DOCK4: variants seen among roughly 807,000 people sequenced by gnomAD.
The protein encoded by DOCK4 is dedicator of cytokinesis protein 4.
DOCK4 carries 97 observed loss-of-function variants against 268.1 expected under a neutral mutation model. The ratio of observed to expected loss-of-function variants is 0.36; its 90% CI spans 0.31 to 0.43. The LOEUF (loss-of-function observed/expected upper bound fraction) is 0.43, where lower values mean the gene tolerates loss of function less well. Ranked by LOEUF, DOCK4 falls within the 20% of genes least tolerant of loss-of-function variation. The probability of loss-of-function intolerance (pLI) is 1.00; values close to 1 mark genes in which losing one functional copy is unlikely to be tolerated. For missense variants in DOCK4, 2,145 were observed against 2,455.7 expected (o/e 0.87, Z 2.67); for synonymous variants, 954 against 887.2 (o/e 1.08, Z -1.34).
chr7:112,003,103 G>A (rs1451579601), intron 2 of DOCK4, among the ~76,000 whole-genome samples: 1 of 151,688 alleles, frequency 6.6e-6, no homozygotes, highest in Non-Finnish European at 1.5e-5. Context: ...AAGGAAAGCT[G>A]GGTGCAGTGG....
At position 111,932,086 on chromosome 7, in the gene DOCK4, G is replaced by A. The variant is rs548015275; in HGVS notation, c.1066+3454C>T. On this transcript the variant is annotated intron_variant, in intron 12 of 52. Transcript: ENST00000428084. ...GAGATATAAATCAAAGCCTACCATT[G>A]AGAACTTCACCAACATTCCAGAGGC... Among the ~76,000 whole-genome samples the A allele has an allele frequency of 3.3e-5, 5 of 152,290 alleles. No individual in the cohort carries two copies. The South Asian group carries it at 1.0e-3, about 32-fold the overall frequency.
At chr7:112,071,972 T>C (rs981330962) in intron 1 of DOCK4, among the ~76,000 whole-genome samples, 5 of 152,234 alleles carry the variant, frequency 3.3e-5, no homozygotes, top group African/African-American at 4.8e-5. Flanking sequence ...TTGACTATCA[T>C]AGATTGAAGT....
chr7:111,857,259 T>C (rs1380761008), intron 23 of DOCK4, among the ~76,000 whole-genome samples: 1 of 152,232 alleles, frequency 6.6e-6, no homozygotes, highest in African/African-American at 2.4e-5. Flanking sequence ...GAGTATACTT[T>C]AAAAATAGTC....
intron 1 of DOCK4, among the ~76,000 whole-genome samples, chr7:112,147,100 T>A (rs1815581962): frequency 6.6e-6 from 1 of 152,136 alleles, no homozygotes; most frequent in African/African-American, 2.4e-5. Flanking sequence ...TTAAAATTAT[T>A]TGATGGTAAT....
chr7:112,112,944 G>C (rs976115945), intron 1 of DOCK4, among the ~76,000 whole-genome samples: 2 of 152,146 alleles, frequency 1.3e-5, no homozygotes, highest in African/African-American at 4.8e-5. Flanking sequence ...GACGTGACAG[G>C]CTGTTGTTGT....
intron 30 of DOCK4, among the ~76,000 whole-genome samples, chr7:111,799,969 A>G (rs1434369752): frequency 6.6e-6 from 1 of 152,204 alleles, no homozygotes; most frequent in African/African-American, 2.4e-5. Flanking sequence ...GTAAAATTCT[A>G]ATTGCTGTAA....
intron 1 of DOCK4, among the ~76,000 whole-genome samples, chr7:112,013,273 G>T (rs1358829685): frequency 6.6e-6 from 1 of 152,070 alleles, no homozygotes; most frequent in Non-Finnish European, 1.5e-5. Context: ...CCTACAAATT[G>T]CCTTACAGTC....
chr7:111,984,399 C>T lies in DOCK4; in HGVS notation c.465-9G>A. ...GGTCCAGTCCCAGTTGTCTAGAAAA[C>T]AAATTGCAAAAGTTTGGGGGAAAAG... On this transcript the variant is annotated splice_polypyrimidine_tract_variant and intron_variant, in intron 6 of 52. Transcript: ENST00000428084. 6.2e-7 allele frequency: 1 copy of T among 1,609,190 alleles called. No homozygotes were observed.
At position 111,767,100 on chromosome 7, in the gene DOCK4, T is replaced by C. The variant is rs1563475634; in HGVS notation, c.3847A>G (p.Ile1283Val). 6.2e-7 allele frequency: 1 copy of C among 1,613,744 alleles called. No homozygotes were observed. The highest frequency in any genetic ancestry group is 1.1e-5 in the South Asian group (1 of 91,080). Residue 1283 changes from isoleucine to valine, a missense_variant, in exon 38 of 53, where the codon ATC becomes GTC. By Grantham distance (29) the Ile-to-Val change is conservative. This residue lies in a region of DOCK4 where 1,598 missense variants were observed against 1,986.7 expected (regional missense o/e 0.80). Coordinates refer to ENST00000428084, the MANE Select transcript of DOCK4 (RefSeq NM_001363540.2). Reference protein sequence around the residue: ...DRGKCWENGIILCRKIAEQYE... With the variant: ...DRGKCWENGIVLCRKIAEQYE... ...TGCTCTGCAATCTTCCGGCACAAGA[T>C]AATGCCATTCTCCCAACACTGTGGA... is the stretch of plus-strand genomic sequence containing the variant.
chr7:111,950,584 A>T (rs1795978832), intron 8 of DOCK4, among the ~76,000 whole-genome samples: 1 of 152,210 alleles, frequency 6.6e-6, no homozygotes, highest in Non-Finnish European at 1.5e-5. Context: ...GATAAGACTA[A>T]CCAAATACAA....
chr7:112,026,370 C>T (rs553469945), intron 1 of DOCK4, among the ~76,000 whole-genome samples: 2 of 152,304 alleles, frequency 1.3e-5, no homozygotes, highest in African/African-American at 4.8e-5. Flanking sequence ...GGCTGATGAT[C>T]TGAGGTGGAA....
chr7:112,116,766 T>C (rs543056262), intron 1 of DOCK4, among the ~76,000 whole-genome samples: 22 of 152,318 alleles, frequency 1.4e-4, no homozygotes, highest in Middle Eastern at 3.4e-3. Flanking sequence ...AGTTTTCTTT[T>C]CTTTTCTCTT....
chr7:112,059,289 C>G (rs950577181), intron 1 of DOCK4, among the ~76,000 whole-genome samples: 7 of 151,810 alleles, frequency 4.6e-5, no homozygotes, highest in Non-Finnish European at 1.0e-4. Flanking sequence ...ATTACAGGTG[C>G]ACACCACCAT....
At chr7:111,759,542 A>G (rs1261641922) in intron 40 of DOCK4, among the ~76,000 whole-genome samples, 3 of 152,122 alleles carry the variant, frequency 2.0e-5, no homozygotes, top group Non-Finnish European at 4.4e-5. Flanking sequence ...GGAAGTTTTA[A>G]AAGTGTTTTT....
intron 8 of DOCK4, among the ~76,000 whole-genome samples, chr7:111,948,595 TTC>T (rs1379954656): frequency 1.3e-5 from 2 of 151,786 alleles, no homozygotes; most frequent in African/African-American, 4.8e-5. Context: ...TCTTTTCTTC[TTC>T]TTTTTTTTTT....
chr7:111,844,708 G>A (rs551163600), intron 25 of DOCK4, 55 bp downstream of exon 25: 33 of 1,547,202 alleles, frequency 2.1e-5, no homozygotes, highest in East Asian at 1.6e-4. Flanking sequence ...CACCTGCAAC[G>A]TGACTGAAGC....
At chr7:112,110,751 C>T (rs1410791636) in intron 1 of DOCK4, among the ~76,000 whole-genome samples, 2 of 152,172 alleles carry the variant, frequency 1.3e-5, no homozygotes, top group East Asian at 3.9e-4. Context: ...GCTCTGAGGA[C>T]CCTCCTTCAG....
At chr7:111,761,920 A>G (rs1245688932) in intron 39 of DOCK4, among the ~76,000 whole-genome samples, 2 of 152,230 alleles carry the variant, frequency 1.3e-5, no homozygotes, top group African/African-American at 4.8e-5. Context: ...CTCAAAAGAT[A>G]ATTAATTTGC....
chr7:112,029,076 C>T (rs760857118), intron 1 of DOCK4, among the ~76,000 whole-genome samples: 4 of 152,164 alleles, frequency 2.6e-5, no homozygotes, highest in Non-Finnish European at 5.9e-5. Flanking sequence ...CTTCCAGCTG[C>T]GCCTGAAAAA....
Sources: gnomAD v4.1 joint callset for allele counts (sites outside exome capture counted in the v4.1 genomes callset) on GRCh38, gnomAD v4.1.1 for gene constraint, gnomAD v4.1.1 regional missense constraint, MANE v1.5 for transcripts, NCBI Gene and HGNC (gene_info 2026-07-23, HGNC 2026-07-21) for gene names.